The following NKAIN2 variants were observed in gnomAD, a reference collection of about 807,000 sequenced individuals.
NKAIN2 encodes the protein sodium/potassium transporting ATPase interacting 2, also known as sodium/potassium-transporting ATPase subunit beta-1-interacting protein 2.
Under a neutral mutation model 32.6 loss-of-function variants are expected in NKAIN2, and 14 were observed. The ratio of observed to expected loss-of-function variants is 0.43; its 90% CI spans 0.28 to 0.67. The LOEUF is 0.67. Among genes scored for constraint, NKAIN2 ranks in the 30% least tolerant of loss-of-function variants. NKAIN2 has a pLI of 0.17. For synonymous variants in NKAIN2, 80 were observed against 87.2 expected, an observed-to-expected ratio of 0.92 and a Z score of 0.46; for missense variants, 198 against 258.3, an observed-to-expected ratio of 0.77 and a Z score of 1.60.
At chr6:124,196,949 A>G (rs899653027) in intron 1 of NKAIN2, among the ~76,000 whole-genome samples, 3 of 151,980 alleles carry the variant, frequency 2.0e-5, no homozygotes, top group Non-Finnish European at 4.4e-5. Context: ...AACATATTCA[A>G]GAATTCCTAG....
chr6:124,453,355 A>ACACACACG (rs1554210272), intron 3 of NKAIN2, among the ~76,000 whole-genome samples: 5,591 of 136,742 alleles, frequency 0.041, 460 homozygotes, highest in Middle Eastern at 0.06. Flanking sequence ...ACACACACAC[A>ACACACACG]CACACACACA....
At chr6:124,331,345 CAAAAAAAAAAAAAAAAAAAAAAAA>C (rs1162529828) in intron 2 of NKAIN2, among the ~76,000 whole-genome samples, 4 of 20,816 alleles carry the variant, frequency 1.9e-4, no homozygotes, top group South Asian at 8.5e-3. Flanking sequence ...ACTAAATATA[CAAAAAAAAAAAAAAAAAAAAAAAA>C]AAAAAAAAAA....
chr6:123,872,569 A>T (rs1772947211), intron 1 of NKAIN2, among the ~76,000 whole-genome samples: 1 of 152,236 alleles, frequency 6.6e-6, no homozygotes. Flanking sequence ...ATTTGAGGAT[A>T]TATGAGCAGA....
Position 123,878,120 on chromosome 6 carries a change from G to T in NKAIN2, c.54+73866G>T, listed in dbSNP as rs574703908. Among the ~76,000 whole-genome samples, 382 of 152,158 alleles carry T rather than the reference G, an allele frequency of 2.5e-3. 1 individual carries two copies. The highest frequency in any genetic ancestry group is 4.3e-3 in the Non-Finnish European group (290 of 68,008). On this transcript the variant is annotated intron_variant, in intron 1 of 6. Transcript: ENST00000368417. ...GCATGCCTGTAATCCCAGCTACTCA[G>T]TAGGCTGATGCAGGAGAATTGCTTG...
intron 1 of NKAIN2, among the ~76,000 whole-genome samples, chr6:124,143,170 A>T (rs895593366): frequency 3.9e-5 from 6 of 152,180 alleles, no homozygotes; most frequent in African/African-American, 1.4e-4. Context: ...AAGTTAAAAA[A>T]ATGTATCACT....
intron 1 of NKAIN2, among the ~76,000 whole-genome samples, chr6:124,173,586 T>A (rs987109822): frequency 2.6e-5 from 4 of 152,112 alleles, no homozygotes; most frequent in Non-Finnish European, 5.9e-5. Context: ...GGGATGGTGG[T>A]ATTATATCTT....
chr6:124,404,611 A>C (rs772809105), intron 3 of NKAIN2, among the ~76,000 whole-genome samples: 7 of 151,508 alleles, frequency 4.6e-5, no homozygotes, highest in Non-Finnish European at 8.9e-5. Context: ...CTGGAAGGGA[A>C]GTCTTAATGA....
intron 1 of NKAIN2, among the ~76,000 whole-genome samples, chr6:123,806,502 C>A (rs1190591844): frequency 1.3e-5 from 2 of 152,028 alleles, no homozygotes; most frequent in South Asian, 2.1e-4. Flanking sequence ...TAAAATAATT[C>A]TTTTGCAAAT....
chr6:124,642,610 G>A (rs374661180), intron 3 of NKAIN2, among the ~76,000 whole-genome samples: 21 of 152,070 alleles, frequency 1.4e-4, no homozygotes, highest in Non-Finnish European at 2.9e-4. Flanking sequence ...ATGAAAATAC[G>A]TGATTCTTCA....
At chr6:124,161,839 C>G (rs917915170) in intron 1 of NKAIN2, among the ~76,000 whole-genome samples, 3 of 152,062 alleles carry the variant, frequency 2.0e-5, no homozygotes, top group African/African-American at 7.2e-5. Context: ...CTGTTGAGTA[C>G]TATGCTCACT....
At chr6:124,584,620 T>C (rs530236756) in intron 3 of NKAIN2, among the ~76,000 whole-genome samples, 6 of 138,596 alleles carry the variant, frequency 4.3e-5, no homozygotes, top group African/African-American at 1.4e-4. Context: ...GTCATTGCAC[T>C]CCAGCCTGGG....
intron 1 of NKAIN2, among the ~76,000 whole-genome samples, chr6:124,251,597 A>G (rs1300465542): frequency 6.6e-6 from 1 of 152,040 alleles, no homozygotes; most frequent in African/African-American, 2.4e-5. Flanking sequence ...CTCTATAAAT[A>G]TTAAAGCTCT....
chr6:123,890,834 T>C (rs921224799), intron 1 of NKAIN2, among the ~76,000 whole-genome samples: 1 of 152,086 alleles, frequency 6.6e-6, no homozygotes, highest in Non-Finnish European at 1.5e-5. Context: ...CTTCTAGATA[T>C]ATACTTATAA....
intron 3 of NKAIN2, among the ~76,000 whole-genome samples, chr6:124,448,675 G>T (rs1365838268): frequency 6.6e-6 from 1 of 152,094 alleles, no homozygotes; most frequent in Non-Finnish European, 1.5e-5. Context: ...GGATTTTTTA[G>T]TGCATTATGA....
chr6:124,733,856 C>T (rs933977011), intron 4 of NKAIN2, among the ~76,000 whole-genome samples: 3 of 151,646 alleles, frequency 2.0e-5, no homozygotes, highest in Non-Finnish European at 4.4e-5. Flanking sequence ...TTAGTATACA[C>T]ACACATATTT....
chr6:124,758,326 A>G (rs1778059656), intron 4 of NKAIN2, among the ~76,000 whole-genome samples: 1 of 152,056 alleles, frequency 6.6e-6, no homozygotes, highest in South Asian at 2.1e-4. Flanking sequence ...GTTGGAGGTG[A>G]TTAAAACCCT....
intron 3 of NKAIN2, among the ~76,000 whole-genome samples, chr6:124,562,252 C>T (rs1780723731): frequency 6.6e-6 from 1 of 152,154 alleles, no homozygotes; most frequent in Non-Finnish European, 1.5e-5. Context: ...AAGGTTTCTT[C>T]CTCCACACTA....
intron 3 of NKAIN2, among the ~76,000 whole-genome samples, chr6:124,546,134 G>T (rs187442542): frequency 6.6e-6 from 1 of 152,264 alleles, no homozygotes; most frequent in East Asian, 1.9e-4. Flanking sequence ...AAGTTATATT[G>T]TTAACCTCAC....
intron 3 of NKAIN2, among the ~76,000 whole-genome samples, chr6:124,576,641 A>T (rs1781345669): frequency 6.6e-6 from 1 of 152,120 alleles, no homozygotes. Flanking sequence ...TCAAAATATC[A>T]TGCCTTGGCA....
Sources: allele counts gnomAD v4.1 joint callset (sites outside exome capture counted in the v4.1 genomes callset), GRCh38; gene constraint gnomAD v4.1.1; transcripts MANE v1.5; gene names NCBI Gene and HGNC (gene_info 2026-07-23, HGNC 2026-07-21).